The following TTC7B variants were observed in gnomAD, a reference collection of about 807,000 sequenced individuals.
TTC7B encodes tetratricopeptide repeat protein 7B.
Under a neutral mutation model 106.8 loss-of-function variants are expected in TTC7B, and 28 were observed. The ratio of observed to expected loss-of-function variants is 0.26; its 90% CI spans 0.19 to 0.36. The LOEUF is 0.36. Ranked by LOEUF, TTC7B falls within the 10% of genes least tolerant of loss-of-function variation. TTC7B has a pLI of 1.00. For missense variants in TTC7B, 862 were observed against 1,076.4 expected (o/e 0.80, Z 2.79); for synonymous variants, 405 against 430.6 (o/e 0.94, Z 0.74).
intron 13 of TTC7B, among the ~76,000 whole-genome samples, chr14:90,649,134 G>A (rs1032322915): frequency 6.6e-6 from 1 of 152,226 alleles, no homozygotes; most frequent in Non-Finnish European, 1.5e-5. Flanking sequence ...TGGTATTTCT[G>A]GAGTGCATTA....
At chr14:90,605,100 G>A (rs982920114) in intron 17 of TTC7B, among the ~76,000 whole-genome samples, 7 of 152,166 alleles carry the variant, frequency 4.6e-5, no homozygotes, top group African/African-American at 9.7e-5. Flanking sequence ...CAGGGGATCC[G>A]CTGCTTTAAA....
chr14:90,675,186 G>A (rs970766935), intron 9 of TTC7B: 1 of 152,308 alleles, frequency 6.6e-6, no homozygotes, highest in Non-Finnish European at 1.5e-5. Flanking sequence ...TTTCGAGCTG[G>A]GGAAAGGCAA....
At chr14:90,798,077 C>G (rs534481586) in intron 1 of TTC7B, among the ~76,000 whole-genome samples, 1 of 152,174 alleles carries the variant, frequency 6.6e-6, no homozygotes, top group Non-Finnish European at 1.5e-5. Flanking sequence ...AAAGGGCTTA[C>G]GCACTTTTTC....
At chr14:90,714,969 T>G (rs2139971580) in intron 5 of TTC7B, among the ~76,000 whole-genome samples, 1 of 152,248 alleles carries the variant, frequency 6.6e-6, no homozygotes, top group African/African-American at 2.4e-5. Flanking sequence ...CAGCAGTTTC[T>G]CTTGTAGCAG....
chr14:90,555,954 T>C (rs1890281523), intron 19 of TTC7B, among the ~76,000 whole-genome samples: 2 of 152,176 alleles, frequency 1.3e-5, no homozygotes, highest in Admixed American at 1.3e-4. Flanking sequence ...GGAATCCCGG[T>C]GCCCCGGGGT....
intron 3 of TTC7B, among the ~76,000 whole-genome samples, chr14:90,772,435 T>C (rs143638951): frequency 2.6e-5 from 4 of 152,302 alleles, no homozygotes; most frequent in East Asian, 3.9e-4. Context: ...TATACTGTCA[T>C]GGAAAGTGTT....
intron 1 of TTC7B, among the ~76,000 whole-genome samples, chr14:90,796,489 C>T (rs2029882458): frequency 6.6e-6 from 1 of 152,190 alleles, no homozygotes; most frequent in African/African-American, 2.4e-5. Context: ...TGCCCACAGG[C>T]ACTTGGCCTC....
intron 1 of TTC7B, among the ~76,000 whole-genome samples, chr14:90,796,800 T>C (rs532162445): frequency 2.4e-4 from 37 of 152,170 alleles, no homozygotes; most frequent in African/African-American, 8.9e-4. Flanking sequence ...GGCTCCTCAG[T>C]GTCCCCTTTG....
chr14:90,719,556 A>AGGT (rs1319627619), intron 5 of TTC7B, among the ~76,000 whole-genome samples: 1 of 152,198 alleles, frequency 6.6e-6, no homozygotes, highest in Non-Finnish European at 1.5e-5. Flanking sequence ...GCCAGGGCAG[A>AGGT]TGGCAAACCT....
intron 1 of TTC7B, among the ~76,000 whole-genome samples, chr14:90,800,566 C>T (rs576683619): frequency 2.6e-5 from 4 of 152,186 alleles, no homozygotes; most frequent in African/African-American, 9.6e-5. Flanking sequence ...AATCCCAGCA[C>T]TTTGGGAGGC....
chr14:90,675,141 C>T (rs981731027), intron 9 of TTC7B: 2 of 152,584 alleles, frequency 1.3e-5, no homozygotes, highest in Non-Finnish European at 2.9e-5. Flanking sequence ...GGCCAGACAC[C>T]TCAAGCTCCT....
At chr14:90,799,354 GGA>G (rs1160838717) in intron 1 of TTC7B, among the ~76,000 whole-genome samples, 1 of 152,190 alleles carries the variant, frequency 6.6e-6, no homozygotes, top group Admixed American at 6.5e-5. Flanking sequence ...CCAGCACCAA[GGA>G]CTTACAGCTA....
Position 90,757,765 on chromosome 14 carries a change from A to G in TTC7B, c.446-12843T>C, listed in dbSNP as rs1890351798. ...TATCCAATTCATAAAGACTGGGATT[A>G]GATCTCACTTGAAGACATGAATCTC... is the stretch of plus-strand genomic sequence containing the variant. On this transcript the variant is annotated intron_variant, in intron 3 of 19. Coordinates refer to ENST00000328459, the MANE Select transcript of TTC7B (RefSeq NM_001010854.2). The surrounding 1 kb of genome is among the most constrained non-coding windows in gnomAD (Gnocchi z 4.1). Among the ~76,000 whole-genome samples, 1 of 152,230 alleles carries G rather than the reference A, an allele frequency of 6.6e-6. No individual in the cohort carries two copies. Among genetic ancestry groups the G allele is most frequent in the African/African-American group, 2.4e-5 (1 of 41,460 alleles).
chr14:90,592,757 T>C (rs1274894847), intron 18 of TTC7B, among the ~76,000 whole-genome samples: 2 of 150,758 alleles, frequency 1.3e-5, no homozygotes, highest in Non-Finnish European at 2.9e-5. Flanking sequence ...GGCTTTTTAG[T>C]GGTGCAGAAG....
intron 17 of TTC7B, among the ~76,000 whole-genome samples, chr14:90,597,642 G>A (rs923816478): frequency 6.6e-6 from 1 of 151,404 alleles, no homozygotes; most frequent in Non-Finnish European, 1.5e-5. Context: ...TGGGCAACAA[G>A]AGTGAGATTC....
intron 8 of TTC7B, chr14:90,677,986 C>G: frequency 5.8e-6 from 2 of 343,048 alleles, no homozygotes; most frequent in Admixed American, 9.0e-5. Context: ...AAAAGCAGCT[C>G]TGAAGGAAAC....
At chr14:90,694,732 T>C (rs1253546785) in intron 6 of TTC7B, among the ~76,000 whole-genome samples, 2 of 100,632 alleles carry the variant, frequency 2.0e-5, no homozygotes, top group African/African-American at 6.8e-5. Context: ...GTATATTTTA[T>C]ATACATTTTA....
intron 3 of TTC7B, among the ~76,000 whole-genome samples, chr14:90,760,980 TCTC>T (rs1234448813): frequency 6.6e-6 from 1 of 152,160 alleles, no homozygotes; most frequent in Admixed American, 6.5e-5. Context: ...ATGGGCTCCT[TCTC>T]CTGAAATCGC....
At chr14:90,681,473 A>AC (rs1223181727) in intron 7 of TTC7B, among the ~76,000 whole-genome samples, 1 of 144,264 alleles carries the variant, frequency 6.9e-6, no homozygotes, top group African/African-American at 2.5e-5. Context: ...ATTTCCCCAC[A>AC]CCCCCAATAA....
Sources: gnomAD v4.1 joint callset for allele counts (sites outside exome capture counted in the v4.1 genomes callset) on GRCh38, gnomAD v4.1.1 for gene constraint, Gnocchi (gnomAD v3.1) non-coding constraint, MANE v1.5 for transcripts, NCBI Gene and HGNC (gene_info 2026-07-23, HGNC 2026-07-21) for gene names.